TAFA1: variants seen among roughly 807,000 people sequenced by gnomAD.
The protein encoded by TAFA1 is chemokine-like protein TAFA-1.
TAFA1 carries 4 observed loss-of-function variants against 18.5 expected under a neutral mutation model. That is an observed-to-expected ratio of 0.22 (90% CI 0.11 to 0.49). The LOEUF is 0.49. Ranked by LOEUF, TAFA1 falls within the 20% of genes least tolerant of loss-of-function variation. TAFA1 has a pLI of 0.98. For missense variants in TAFA1, 147 were observed against 169.0 expected (o/e 0.87, Z 0.72); for synonymous variants, 56 against 55.2 (o/e 1.01, Z -0.06).
chr3:68,197,442 G>T (rs2066423613), intron 2 of TAFA1, among the ~76,000 whole-genome samples: 1 of 151,582 alleles, frequency 6.6e-6, no homozygotes, highest in Admixed American at 6.6e-5. Context: ...CAATCAGAAG[G>T]ACAAGCTCCT....
chr3:68,470,097 A>C (rs2071968776), intron 3 of TAFA1, among the ~76,000 whole-genome samples: 1 of 152,158 alleles, frequency 6.6e-6, no homozygotes, highest in African/African-American at 2.4e-5. Context: ...TACTGTTCTC[A>C]TGGTAGTGAA....
intron 3 of TAFA1, among the ~76,000 whole-genome samples, chr3:68,481,457 A>C (rs922876472): frequency 6.6e-5 from 10 of 152,214 alleles, no homozygotes; most frequent in Non-Finnish European, 4.4e-5. Context: ...GGGATCTAAA[A>C]GAGTGTTAGA....
intron 2 of TAFA1, among the ~76,000 whole-genome samples, chr3:68,291,491 A>G (rs1269132530): frequency 6.6e-6 from 1 of 152,188 alleles, no homozygotes; most frequent in Non-Finnish European, 1.5e-5. Flanking sequence ...ACCCAAGACC[A>G]AAGAGCTATT....
At chr3:68,218,083 A>G (rs530750473) in intron 2 of TAFA1, among the ~76,000 whole-genome samples, 19 of 152,080 alleles carry the variant, frequency 1.2e-4, no homozygotes, top group Non-Finnish European at 1.9e-4. Context: ...TGTTTCCTGG[A>G]GATTTAATTG....
At chr3:68,491,459 A>G (rs2072451659) in intron 3 of TAFA1, among the ~76,000 whole-genome samples, 1 of 147,098 alleles carries the variant, frequency 6.8e-6, no homozygotes, top group Non-Finnish European at 1.5e-5. Flanking sequence ...CAAACACCGC[A>G]TATTCTCACT....
intron 2 of TAFA1, among the ~76,000 whole-genome samples, chr3:68,316,560 A>T (rs2068608768): frequency 6.6e-6 from 1 of 152,158 alleles, no homozygotes; most frequent in Non-Finnish European, 1.5e-5. Flanking sequence ...CCTTTCAGAC[A>T]AAGGAAAGTA....
At chr3:68,166,938 G>A (rs1054294719) in intron 2 of TAFA1, among the ~76,000 whole-genome samples, 3 of 152,212 alleles carry the variant, frequency 2.0e-5, no homozygotes, top group Admixed American at 6.5e-5. Context: ...GATCAAGGAT[G>A]TAAACTGGCC....
chr3:68,490,495 T>C (rs889448246), intron 3 of TAFA1, among the ~76,000 whole-genome samples: 1 of 152,180 alleles, frequency 6.6e-6, no homozygotes, highest in Non-Finnish European at 1.5e-5. Context: ...TGCATATCTA[T>C]GTAAGGGCAA....
chr3:68,154,838 G>GC (rs961580501), intron 2 of TAFA1, among the ~76,000 whole-genome samples: 1 of 151,942 alleles, frequency 6.6e-6, no homozygotes, highest in Non-Finnish European at 1.5e-5. Flanking sequence ...TCTATTTTCT[G>GC]CCCCCCACCA....
chr3:68,198,400 A>C (rs954917109), intron 2 of TAFA1, among the ~76,000 whole-genome samples: 3 of 151,778 alleles, frequency 2.0e-5, no homozygotes, highest in African/African-American at 7.2e-5. Flanking sequence ...GAACACAATT[A>C]GTGAATCTTA....
At chr3:68,318,907 C>T (rs1396682929) in intron 2 of TAFA1, among the ~76,000 whole-genome samples, 1 of 152,148 alleles carries the variant, frequency 6.6e-6, no homozygotes, top group African/African-American at 2.4e-5. Flanking sequence ...AAATTCATAA[C>T]TAGAAACAGA....
intron 2 of TAFA1, among the ~76,000 whole-genome samples, chr3:68,414,245 T>G (rs903148750): frequency 2.6e-5 from 4 of 152,114 alleles, no homozygotes; most frequent in Non-Finnish European, 5.9e-5. Context: ...AAGCAGAGGT[T>G]GCAGTGAACT....
At chr3:68,178,052 G>C (rs572801824) in intron 2 of TAFA1, among the ~76,000 whole-genome samples, 155 of 152,216 alleles carry the variant, frequency 1.0e-3, no homozygotes, top group African/African-American at 3.5e-3. Flanking sequence ...GCTGAGGCAG[G>C]AGAATGGCGT....
chr3:68,096,655 G>A (rs188490718), intron 2 of TAFA1, among the ~76,000 whole-genome samples: 1 of 151,976 alleles, frequency 6.6e-6, no homozygotes, highest in Non-Finnish European at 1.5e-5. Flanking sequence ...AGCCAAGCTG[G>A]GATATAGGAC....
intron 2 of TAFA1, among the ~76,000 whole-genome samples, chr3:68,232,759 C>T (rs2066886959): frequency 6.6e-6 from 1 of 152,098 alleles, no homozygotes; most frequent in Non-Finnish European, 1.5e-5. Flanking sequence ...GCACGCACTA[C>T]CACACCTGGC....
Position 68,210,979 on chromosome 3 carries a change from T to G in TAFA1, c.118+204235T>G, listed in dbSNP as rs2066589869. 2.0e-5 allele frequency among the ~76,000 whole-genome samples: 3 copies of G among 151,956 alleles called. No individual in the cohort carries two copies. In the South Asian group the frequency reaches 6.2e-4, roughly 31 times the overall value. ...GCTAAGACAACCCACACACTTAACTTGCAAGGAGATGCTGGCTATTGAAAG... is the reference window on the plus strand; with the variant it reads ...GCTAAGACAACCCACACACTTAACTGGCAAGGAGATGCTGGCTATTGAAAG... On this transcript the variant is annotated intron_variant, in intron 2 of 4. Transcript: ENST00000478136.
At chr3:68,069,654 G>A (rs1233447310) in intron 2 of TAFA1, among the ~76,000 whole-genome samples, 1 of 152,172 alleles carries the variant, frequency 6.6e-6, no homozygotes, top group East Asian at 1.9e-4. Flanking sequence ...TCTGAGACAA[G>A]GCAAGTCCCT....
At chr3:68,007,994 C>G (rs1704396475) in intron 2 of TAFA1, among the ~76,000 whole-genome samples, 1 of 152,252 alleles carries the variant, frequency 6.6e-6, no homozygotes, top group Non-Finnish European at 1.5e-5. Context: ...AGCGCGCAAG[C>G]CTGCTGGGTG....
intron 2 of TAFA1, among the ~76,000 whole-genome samples, chr3:68,105,991 C>A (rs1435451760): frequency 6.6e-6 from 1 of 152,030 alleles, no homozygotes; most frequent in Non-Finnish European, 1.5e-5. Flanking sequence ...CCTAATTCAA[C>A]CACAATTTTC....
Sources: allele counts gnomAD v4.1 joint callset (sites outside exome capture counted in the v4.1 genomes callset), GRCh38; gene constraint gnomAD v4.1.1; transcripts MANE v1.5; gene names NCBI Gene and HGNC (gene_info 2026-07-23, HGNC 2026-07-21).